The following SULT2A1 variants were observed in gnomAD, a reference collection of about 807,000 sequenced individuals.
SULT2A1 encodes sulfotransferase family 2A member 1.
A neutral mutation model predicts 33.9 loss-of-function variants in SULT2A1; 43 were observed. The ratio of observed to expected loss-of-function variants is 1.27; its 90% CI spans 1.00 to 1.64. The LOEUF (loss-of-function observed/expected upper bound fraction) is 1.64, where lower values mean the gene tolerates loss of function less well. SULT2A1 is among the 40% of genes most tolerant of loss of function. SULT2A1 has a pLI of 0.00. For synonymous variants in SULT2A1, 125 were observed against 113.6 expected (o/e 1.10, Z -0.64); for missense variants, 300 against 335.1 (o/e 0.90, Z 0.82).
At chr19:47,872,181 G>C (rs1328911299) in intron 5 of SULT2A1, among the ~76,000 whole-genome samples, 1 of 152,184 alleles carries the variant, frequency 6.6e-6, no homozygotes, top group Non-Finnish European at 1.5e-5. Context: ...GCCTCCCAAA[G>C]TGCTGGGATT....
intron 5 of SULT2A1, among the ~76,000 whole-genome samples, chr19:47,872,626 C>G (rs1951889715): frequency 1.3e-5 from 2 of 152,190 alleles, no homozygotes. Context: ...ATTTAGAGGT[C>G]ACTCCCCATC....
intron 4 of SULT2A1, among the ~76,000 whole-genome samples, chr19:47,876,003 A>G (rs12461162): frequency 1.3e-5 from 2 of 152,056 alleles, no homozygotes; most frequent in Non-Finnish European, 1.5e-5. Context: ...ATAGATTTTT[A>G]TTTTTAAAAT....
rs1290941514 is a variant in SULT2A1 at position 47,874,539 on chromosome 19, C to CG, written c.745+117dup. On this transcript the variant is annotated intron_variant, in intron 5 of 5. Transcript: ENST00000222002. ...TGGGTGATAGAGCAAGACTTCATCTCGGAAAAAAAAAAAAAAAAAAAGCAC... is the reference window on the plus strand; with the variant it reads ...TGGGTGATAGAGCAAGACTTCATCTCGGGAAAAAAAAAAAAAAAAAAAGCAC... 2.8e-4 allele frequency: 151 copies of CG among 535,728 alleles called. 1 individual carries two copies. The East Asian group carries it at 5.4e-3, about 19-fold the overall frequency. The allele number at this position is 535,728 out of a possible 1,614,324, so 33.2% of individuals were successfully genotyped here.
At chr19:47,871,599 C>A (rs1320326066) in intron 5 of SULT2A1, 32 bp from the exon 6 acceptor site, 1 of 1,418,880 alleles carries the variant, frequency 7.0e-7, no homozygotes, top group Admixed American at 1.7e-5. Flanking sequence ...TCAGGTCAGA[C>A]CACACATCTC....
chr19:47,884,804 C>CTTTTTT lies in SULT2A1; in HGVS notation c.137-1025_137-1020dup, dbSNP rs71181611. On this transcript the variant is annotated intron_variant, in intron 1 of 5. Coordinates refer to ENST00000222002, the MANE Select transcript of SULT2A1 (RefSeq NM_003167.4). ...AGCCACTGCAGCCAGCTCTCAACCA[C>CTTTTTT]TTTTTTTTTTTTTTTTTTTTTTTTT... 1.6e-4 allele frequency among the ~76,000 whole-genome samples: 10 copies of CTTTTTT among 64,010 alleles called. 1 individual carries two copies. Among genetic ancestry groups the CTTTTTT allele is most frequent in the African/African-American group, 5.4e-4 (8 of 14,718 alleles). 42.0% of individuals were successfully genotyped at this position (64,010 alleles called of 152,430 possible).
At chr19:47,876,190 A>G (rs1436971352) in intron 4 of SULT2A1, among the ~76,000 whole-genome samples, 1 of 151,936 alleles carries the variant, frequency 6.6e-6, no homozygotes, top group Non-Finnish European at 1.5e-5. Flanking sequence ...TAATTTACGT[A>G]TTTTTAGTAG....
At chr19:47,884,348 T>A (rs296359) in intron 1 of SULT2A1, among the ~76,000 whole-genome samples, 70,118 of 149,260 alleles carry the variant, frequency 0.47, 16,819 homozygotes, top group East Asian at 0.68. Flanking sequence ...ATTTTTTTTT[T>A]AATATATTTT....
chr19:47,874,890 G>A, intron 4 of SULT2A1, 56 bp from the exon 5 acceptor site: 1 of 1,519,164 alleles, frequency 6.6e-7, no homozygotes, highest in Non-Finnish European at 9.0e-7. Flanking sequence ...GGCTGGGCGT[G>A]GTGGTTCACG....
chr19:47,879,971 TC>T (rs1309677476), intron 3 of SULT2A1, among the ~76,000 whole-genome samples: 1 of 151,226 alleles, frequency 6.6e-6, no homozygotes, highest in African/African-American at 2.4e-5. Flanking sequence ...GTACGGTGGC[TC>T]ACACCTGTAA....
intron 4 of SULT2A1, among the ~76,000 whole-genome samples, chr19:47,875,153 CTTG>C: frequency 2.1e-5 from 1 of 47,224 alleles, no homozygotes. Flanking sequence ...AGAGTGAGAC[CTTG>C]TCAAAAAAAA....
chr19:47,873,749 G>A (rs184382628), intron 5 of SULT2A1, among the ~76,000 whole-genome samples: 2,967 of 149,738 alleles, frequency 0.02, 87 homozygotes, highest in African/African-American at 0.069. Context: ...TCAGCCTCCC[G>A]AGTAGCTGGG....
intron 3 of SULT2A1, among the ~76,000 whole-genome samples, chr19:47,880,650 G>A (rs929936002): frequency 2.6e-5 from 4 of 151,634 alleles, no homozygotes; most frequent in African/African-American, 2.4e-5. Context: ...GCCATGGAGT[G>A]ATCTCGGCTC....
intron 3 of SULT2A1, among the ~76,000 whole-genome samples, chr19:47,879,696 A>G (rs2122150975): frequency 6.7e-6 from 1 of 148,634 alleles, no homozygotes; most frequent in East Asian, 2.0e-4. Context: ...ACCAAACACC[A>G]CATATTCTCA....
chr19:47,883,826 C>G (rs1227557944), intron 1 of SULT2A1, 41 bp from the exon 2 acceptor site: 1 of 1,583,356 alleles, frequency 6.3e-7, no homozygotes, highest in Non-Finnish European at 8.6e-7. Flanking sequence ...TGTACCATCT[C>G]AGCCGGACAT....
intron 4 of SULT2A1, 107 bp downstream of exon 4, chr19:47,878,929 C>G: frequency 1.3e-6 from 1 of 782,368 alleles, no homozygotes; most frequent in Admixed American, 1.8e-5. Flanking sequence ...CCAGGCTCCA[C>G]TTTAACTGAG....
At position 47,879,044 on chromosome 19, in the gene SULT2A1, G is replaced by A. The variant is rs558416411; in HGVS notation, c.559C>T (p.Leu187=). 1.9e-6 allele frequency: 3 copies of A among 1,608,136 alleles called. No individual in the cohort carries two copies. The highest frequency in any genetic ancestry group is 2.2e-5 in the East Asian group (1 of 44,852). Residue 187 remains leucine, a synonymous_variant, in exon 4 of 6, where the codon CTG becomes TTG. Transcript: ENST00000222002. Reference sequence around the variant, plus strand: ...AAAAATGATGGGATTACCTGTTTCAGCTCCTCATAACTCAGTAACAGGAAG... The same window carrying A: ...AAAAATGATGGGATTACCTGTTTCAACTCCTCATAACTCAGTAACAGGAAG... The part of the protein sequence containing the change: ...KNFLLLSYEE[L]KQDTGRTIEK...
At chr19:47,885,435 G>C (rs1968647106) in intron 1 of SULT2A1, among the ~76,000 whole-genome samples, 1 of 152,148 alleles carries the variant, frequency 6.6e-6, no homozygotes, top group Non-Finnish European at 1.5e-5. Flanking sequence ...TCCTTCTCAA[G>C]GATGAATAAC....
chr19:47,875,501 G>A (rs1968535745), intron 4 of SULT2A1, among the ~76,000 whole-genome samples: 1 of 151,762 alleles, frequency 6.6e-6, no homozygotes, highest in Admixed American at 6.6e-5. Flanking sequence ...AGCCAGGCAT[G>A]GTGGCGCACA....
At chr19:47,875,811 G>A (rs1231585628) in intron 4 of SULT2A1, among the ~76,000 whole-genome samples, 8 of 152,230 alleles carry the variant, frequency 5.3e-5, no homozygotes, top group South Asian at 4.1e-4. Flanking sequence ...AGTAATTAGG[G>A]TTAGCAAGGA....
Sources: gnomAD v4.1 joint callset for allele counts (sites outside exome capture counted in the v4.1 genomes callset) on GRCh38, gnomAD v4.1.1 for gene constraint, MANE v1.5 for transcripts, NCBI Gene and HGNC (gene_info 2026-07-23, HGNC 2026-07-21) for gene names.